The following ARID1B variants were observed in gnomAD, a reference collection of about 807,000 sequenced individuals.
The protein encoded by ARID1B is AT-rich interaction domain 1B.
ARID1B carries 30 observed loss-of-function variants against 212.3 expected under a neutral mutation model. The observed-to-expected ratio is 0.14, with a 90% CI of 0.11 to 0.19. The LOEUF is 0.19. Among genes scored for constraint, ARID1B ranks in the 10% least tolerant of loss-of-function variants. The probability of loss-of-function intolerance (pLI) is 1.00; values close to 1 mark genes in which losing one functional copy is unlikely to be tolerated. For missense variants in ARID1B, 2,891 were observed against 3,204.0 expected (o/e 0.90, Z 2.36); for synonymous variants, 1,402 against 1,301.7 (o/e 1.08, Z -1.66).
chr6:157,040,181 G>C (rs903839089), intron 4 of ARID1B, among the ~76,000 whole-genome samples: 7 of 152,110 alleles, frequency 4.6e-5, no homozygotes, highest in Non-Finnish European at 7.4e-5. Context: ...CTTGTGATCT[G>C]CCCGCCTCGG....
In ARID1B at chr6:157,004,897, C is replaced by CTTTTTTGTTTTTTTTTTT. The variant is rs1562542228; in HGVS notation, c.2247+69327_2247+69328insGTTTTTTTTTTTTTTTTT. On this transcript the variant is annotated intron_variant, in intron 4 of 19. Coordinates refer to ENST00000636930, the MANE Select transcript of ARID1B (RefSeq NM_001374828.1). The stretch of plus-strand genomic sequence containing the variant: ...TTTTTTCTTTTTCTTCTTCTTTTTT[C>CTTTTTTGTTTTTTTTTTT]TTTTTTTTTTTTTTTTTTTTTTTTT... Among the ~76,000 whole-genome samples the CTTTTTTGTTTTTTTTTTT allele has an allele frequency of 4.4e-4, 24 of 54,722 alleles. 4 individuals are homozygous for CTTTTTTGTTTTTTTTTTT. The highest frequency in any genetic ancestry group is 9.0e-4 in the South Asian group (2 of 2,234). The allele number at this position is 54,722 out of a possible 152,430, so 35.9% of individuals were successfully genotyped here.
intron 6 of ARID1B, among the ~76,000 whole-genome samples, chr6:157,119,043 G>T (rs907834018): frequency 6.6e-6 from 1 of 151,970 alleles, no homozygotes; most frequent in African/African-American, 2.4e-5. Context: ...TGTTTTTTCT[G>T]TCTCAGTGAA....
At position 157,176,168 on chromosome 6, in the gene ARID1B, G is replaced by A. The variant is rs145869137; in HGVS notation, c.3504+1163G>A. On this transcript the variant is annotated intron_variant, in intron 11 of 19. Coordinates refer to ENST00000636930, the MANE Select transcript of ARID1B (RefSeq NM_001374828.1). Reference sequence around the variant, plus strand: ...TTTCCCTTTCAGAGGAGGAAAGGGCGATATTCGCTCTTACCTTCTCTGTAG... The same window carrying A: ...TTTCCCTTTCAGAGGAGGAAAGGGCAATATTCGCTCTTACCTTCTCTGTAG... Among the ~76,000 whole-genome samples the A allele has an allele frequency of 3.0e-3, 453 of 151,704 alleles. 7 individuals are homozygous for A. The highest frequency in any genetic ancestry group is 0.01 in the African/African-American group (428 of 40,964).
chr6:157,069,647 G>T (rs13216156), intron 4 of ARID1B, among the ~76,000 whole-genome samples: 13,711 of 152,182 alleles, frequency 0.09, 795 homozygotes, highest in Middle Eastern at 0.18. Flanking sequence ...TTATTCAAGG[G>T]CAATCCTGTT....
At chr6:156,863,559 A>G (rs1184540701) in intron 2 of ARID1B, among the ~76,000 whole-genome samples, 5 of 152,100 alleles carry the variant, frequency 3.3e-5, no homozygotes, top group African/African-American at 1.2e-4. Context: ...AGTAGTTTGT[A>G]TTTCTTTTTT....
chr6:156,956,602 A>C (rs1385784239), intron 4 of ARID1B, among the ~76,000 whole-genome samples: 1 of 152,140 alleles, frequency 6.6e-6, no homozygotes, highest in Non-Finnish European at 1.5e-5. Flanking sequence ...ACAGCTTCTT[A>C]GTCCACTGAT....
intron 8 of ARID1B, among the ~76,000 whole-genome samples, chr6:157,158,894 C>T (rs1790739882): frequency 6.6e-6 from 1 of 152,216 alleles, no homozygotes; most frequent in Non-Finnish European, 1.5e-5. Context: ...GTGACACTTT[C>T]TCTCTGTGGG....
At chr6:157,154,688 C>G (rs1188511127) in intron 8 of ARID1B, among the ~76,000 whole-genome samples, 1 of 148,484 alleles carries the variant, frequency 6.7e-6, no homozygotes, top group Non-Finnish European at 1.5e-5. Flanking sequence ...AAGTGATTCT[C>G]CTGCCTCAGC....
chr6:157,127,440 A>G (rs963255618), intron 6 of ARID1B, among the ~76,000 whole-genome samples: 7 of 151,230 alleles, frequency 4.6e-5, no homozygotes, highest in African/African-American at 1.5e-4. Context: ...GCGGATCACA[A>G]GATCAGGAGT....
At chr6:157,170,104 C>T (rs1791609622) in intron 9 of ARID1B, 1 of 152,176 alleles carries the variant, frequency 6.6e-6, no homozygotes, top group African/African-American at 2.4e-5. Context: ...CTTCAGAATT[C>T]TTGAGGTGGG....
intron 2 of ARID1B, among the ~76,000 whole-genome samples, chr6:156,889,419 C>T (rs1787757542): frequency 1.3e-5 from 2 of 152,206 alleles, no homozygotes; most frequent in Non-Finnish European, 2.9e-5. Context: ...TACAATTATA[C>T]ACTTGCGTGT....
At chr6:157,084,619 A>G in intron 4 of ARID1B, 43 bp from the exon 5 acceptor site, 2 of 1,593,042 alleles carry the variant, frequency 1.3e-6, no homozygotes, top group African/African-American at 1.3e-5. Context: ...TGAGATATTC[A>G]TCCAAACGTG....
At chr6:157,125,041 A>T (rs959746061) in intron 6 of ARID1B, among the ~76,000 whole-genome samples, 2 of 152,228 alleles carry the variant, frequency 1.3e-5, no homozygotes, top group Non-Finnish European at 2.9e-5. Context: ...TCAGAGCCTA[A>T]GTGACAGAAC....
Position 157,078,654 on chromosome 6 carries a change from A to C in ARID1B, c.2248-6008A>C, listed in dbSNP as rs17088070. Among the ~76,000 whole-genome samples the C allele has an allele frequency of 9.1e-3, 1,381 of 152,334 alleles. 24 individuals are homozygous for C. The highest frequency in any genetic ancestry group is 0.032 in the African/African-American group (1,328 of 41,578). On this transcript the variant is annotated intron_variant, in intron 4 of 19. Transcript: ENST00000636930. The stretch of plus-strand genomic sequence containing the variant: ...TAAGTTTAGGATGGCAACATGTTCC[A>C]TATCAGGAGTTTTAACCCAAGGACC...
At chr6:157,035,007 C>T (rs2128503391) in intron 4 of ARID1B, among the ~76,000 whole-genome samples, 1 of 152,254 alleles carries the variant, frequency 6.6e-6, no homozygotes, top group Non-Finnish European at 1.5e-5. Context: ...GATCTGACTC[C>T]CTCCTCCCAC....
At chr6:157,139,729 T>TA (rs1392476604) in intron 7 of ARID1B, among the ~76,000 whole-genome samples, 16 of 147,574 alleles carry the variant, frequency 1.1e-4, no homozygotes, top group Admixed American at 6.1e-4. Flanking sequence ...TAATTATTAT[T>TA]TTTTTTTTTT....
chr6:156,959,061 G>A (rs796070396), intron 4 of ARID1B, among the ~76,000 whole-genome samples: 5 of 152,152 alleles, frequency 3.3e-5, no homozygotes, highest in African/African-American at 1.2e-4. Flanking sequence ...TATTAAATGA[G>A]TCTGTGGGAC....
At position 157,000,323 on chromosome 6, in the gene ARID1B, GA is replaced by G. The variant is rs146168110; in HGVS notation, c.2247+64749del. On this transcript the variant is annotated intron_variant, in intron 4 of 19. Transcript: ENST00000636930. ...CAGAAAAATCACTGTGAACCAGAGG[GA>G]AGTAGGCTGCTTTGCCTCTGGAAAC... Among the ~76,000 whole-genome samples, 672 of 152,328 alleles carry G rather than the reference GA, an allele frequency of 4.4e-3. 4 individuals carry two copies. The highest frequency in any genetic ancestry group is 0.015 in the African/African-American group (640 of 41,572).
intron 4 of ARID1B, among the ~76,000 whole-genome samples, chr6:157,067,926 T>G (rs1413010771): frequency 2.6e-5 from 4 of 152,204 alleles, no homozygotes; most frequent in African/African-American, 9.7e-5. Context: ...ATTCAGCTTG[T>G]GCCATACCCC....
Sources: allele counts gnomAD v4.1 joint callset (sites outside exome capture counted in the v4.1 genomes callset), GRCh38; gene constraint gnomAD v4.1.1; transcripts MANE v1.5; gene names NCBI Gene and HGNC (gene_info 2026-07-23, HGNC 2026-07-21).